TRMT9B: variants seen among roughly 807,000 people sequenced by gnomAD.
TRMT9B encodes tRNA methyltransferase 9B (putative).
TRMT9B carries 16 observed loss-of-function variants against 11.5 expected under a neutral mutation model. The ratio of observed to expected loss-of-function variants is 1.39; its 90% CI spans 0.94 to 2.11. The LOEUF (loss-of-function observed/expected upper bound fraction) is 2.11, where lower values mean the gene tolerates loss of function less well. TRMT9B is among the 30% of genes most tolerant of loss of function. TRMT9B has a pLI of 0.00. For missense variants in TRMT9B, 941 were observed against 553.8 expected, an observed-to-expected ratio of 1.70 and a Z score of -7.02; for synonymous variants, 274 against 192.4, an observed-to-expected ratio of 1.42 and a Z score of -3.51.
chr8:12,994,941 C>T (rs912140304), intron 2 of TRMT9B, among the ~76,000 whole-genome samples: 4 of 152,208 alleles, frequency 2.6e-5, no homozygotes, highest in African/African-American at 7.2e-5. Context: ...CTCGGCCTCC[C>T]AAAGTGCTGG....
At chr8:12,990,327 T>C (rs923001265) in intron 1 of TRMT9B, among the ~76,000 whole-genome samples, 1 of 152,164 alleles carries the variant, frequency 6.6e-6, no homozygotes, top group Non-Finnish European at 1.5e-5. Flanking sequence ...TGGTGCATTA[T>C]TTTTTTAATA....
At chr8:12,980,831 A>G (rs1392909041) in intron 1 of TRMT9B, among the ~76,000 whole-genome samples, 2 of 152,220 alleles carry the variant, frequency 1.3e-5, no homozygotes, top group Non-Finnish European at 2.9e-5. Flanking sequence ...CAAATGTCCA[A>G]AGCATTCAGG....
chr8:13,018,284 C>T (rs542858403), intron 4 of TRMT9B, among the ~76,000 whole-genome samples: 2 of 151,136 alleles, frequency 1.3e-5, no homozygotes, highest in East Asian at 2.0e-4. Flanking sequence ...TACCTGTGGT[C>T]CCAGCTACTC....
chr8:13,007,622 A>T (rs570005404), intron 3 of TRMT9B: 24 of 152,320 alleles, frequency 1.6e-4, no homozygotes, highest in Admixed American at 1.2e-3. Context: ...TTTGAAAAAT[A>T]TCTCTATCCT....
intron 1 of TRMT9B, among the ~76,000 whole-genome samples, chr8:12,980,921 C>A (rs1017622852): frequency 6.6e-6 from 1 of 152,090 alleles, no homozygotes; most frequent in Non-Finnish European, 1.5e-5. Flanking sequence ...AGTCACTATG[C>A]GAATTCTTTT....
intron 1 of TRMT9B, among the ~76,000 whole-genome samples, chr8:12,988,886 A>G (rs1806810869): frequency 6.6e-6 from 1 of 152,188 alleles, no homozygotes; most frequent in Non-Finnish European, 1.5e-5. Flanking sequence ...TTAGCTCAGG[A>G]TGTATCCATC....
At chr8:12,997,755 A>G (rs1808625235) in intron 2 of TRMT9B, among the ~76,000 whole-genome samples, 1 of 152,112 alleles carries the variant, frequency 6.6e-6, no homozygotes, top group African/African-American at 2.4e-5. Flanking sequence ...GGATATATGT[A>G]TATACTTTTA....
At chr8:13,012,562 G>C in intron 3 of TRMT9B, 122 bp from the exon 4 acceptor site, 1 of 1,274,016 alleles carries the variant, frequency 7.8e-7, no homozygotes, top group Non-Finnish European at 1.0e-6. Flanking sequence ...GTGACTGAGG[G>C]AGACTCTGTC....
intron 4 of TRMT9B, among the ~76,000 whole-genome samples, chr8:13,013,142 T>G (rs1415852536): frequency 6.6e-6 from 1 of 152,260 alleles, no homozygotes; most frequent in Admixed American, 6.5e-5. Flanking sequence ...GGAATCTTAC[T>G]CATTGAAAAT....
chr8:12,958,237 C>T (rs1178429848), intron 1 of TRMT9B: 1 of 152,138 alleles, frequency 6.6e-6, no homozygotes, highest in African/African-American at 2.4e-5. Flanking sequence ...AGCTGCAGTT[C>T]GGATACATGG....
intron 1 of TRMT9B, among the ~76,000 whole-genome samples, chr8:12,948,788 A>T (rs1052066477): frequency 6.6e-6 from 1 of 151,958 alleles, no homozygotes; most frequent in African/African-American, 2.4e-5. Context: ...GTGAAACCTC[A>T]TCTCTACTAA....
intron 2 of TRMT9B, among the ~76,000 whole-genome samples, chr8:13,000,817 GA>G (rs1262127054): frequency 6.6e-6 from 1 of 152,210 alleles, no homozygotes; most frequent in Non-Finnish European, 1.5e-5. Flanking sequence ...CCTGCCTTGG[GA>G]AAGGTGTGGT....
chr8:13,010,472 T>G, intron 3 of TRMT9B: 2 of 985,102 alleles, frequency 2.0e-6, no homozygotes, highest in Non-Finnish European at 2.4e-6. Context: ...AGCTGTTTGA[T>G]GAATAGACAA....
chr8:12,964,569 G>A lies in TRMT9B; in HGVS notation c.-200+18603G>A, dbSNP rs146167252. On this transcript the variant is annotated intron_variant, in intron 1 of 4. Transcript: ENST00000524591. ...AACTCTAAATAATTGCTTTTTGTTT[G>A]TTTTTGCTTGTTCGTTTGTTTTTGA... Among the ~76,000 whole-genome samples, 5 of 152,186 alleles carry A rather than the reference G, an allele frequency of 3.3e-5. No individual in the cohort carries two copies. The East Asian group carries it at 5.8e-4, about 18-fold the overall frequency.
At chr8:12,988,000 A>C (rs1281391190) in intron 1 of TRMT9B, among the ~76,000 whole-genome samples, 1 of 152,230 alleles carries the variant, frequency 6.6e-6, no homozygotes. Flanking sequence ...TGACACCATC[A>C]TAAAGTCAAA....
chr8:13,026,324 C>T lies in TRMT9B; in HGVS notation c.*4280C>T, dbSNP rs1438663479. On this transcript the variant is annotated 3_prime_UTR_variant, in exon 5 of 5. Transcript: ENST00000524591. Reference sequence around the variant, plus strand: ...TTCTCACTCATAGGTGGGAATTGAACAATGAGAACACATGGACACAGTAAG... The same window carrying T: ...TTCTCACTCATAGGTGGGAATTGAATAATGAGAACACATGGACACAGTAAG... 1 of 167,108 alleles carries T rather than the reference C, an allele frequency of 6.0e-6. No individual in the cohort carries two copies. The highest frequency in any genetic ancestry group is 1.5e-5 in the Non-Finnish European group (1 of 68,170). 10.4% of individuals were successfully genotyped at this position (167,108 alleles called of 1,614,324 possible).
chr8:12,957,533 C>T (rs554175900), intron 1 of TRMT9B, among the ~76,000 whole-genome samples: 9 of 152,158 alleles, frequency 5.9e-5, no homozygotes, highest in Admixed American at 2.6e-4. Context: ...AATTCAATGA[C>T]TTAATACAAT....
chr8:12,989,562 T>G (rs1421938503), intron 1 of TRMT9B, among the ~76,000 whole-genome samples: 1 of 152,152 alleles, frequency 6.6e-6, no homozygotes, highest in Non-Finnish European at 1.5e-5. Flanking sequence ...ATGGGGGCGT[T>G]GAAGACTTTG....
At chr8:13,007,850 T>C (rs1395911586) in intron 3 of TRMT9B, among the ~76,000 whole-genome samples, 1 of 152,272 alleles carries the variant, frequency 6.6e-6, no homozygotes, top group East Asian at 1.9e-4. Flanking sequence ...GATTTAAGTA[T>C]AAGAAAATGA....
Sources: gnomAD v4.1 joint callset for allele counts (sites outside exome capture counted in the v4.1 genomes callset) on GRCh38, gnomAD v4.1.1 for gene constraint, MANE v1.5 for transcripts, NCBI Gene and HGNC (gene_info 2026-07-23, HGNC 2026-07-21) for gene names.